SUGCT: variants seen among roughly 807,000 people sequenced by gnomAD.
SUGCT encodes the protein succinyl-CoA:glutarate-CoA transferase, also known as succinyl-CoA:glutarate CoA-transferase.
Under a neutral mutation model 55.0 loss-of-function variants are expected in SUGCT, and 41 were observed. The observed-to-expected ratio is 0.74, with a 90% CI of 0.58 to 0.97. SUGCT has a LOEUF of 0.97. SUGCT is among the 50% of genes least tolerant of loss of function. The probability of loss-of-function intolerance (pLI) is 0.00; values close to 1 mark genes in which losing one functional copy is unlikely to be tolerated. For synonymous variants in SUGCT, 187 were observed against 200.4 expected (o/e 0.93, Z 0.56); for missense variants, 568 against 547.8 (o/e 1.04, Z -0.37).
intron 12 of SUGCT, among the ~76,000 whole-genome samples, chr7:40,576,137 T>C (rs1584029022): frequency 1.3e-5 from 2 of 152,224 alleles, no homozygotes; most frequent in Admixed American, 1.3e-4. Context: ...AAATAAAAAA[T>C]AAGACGCATG....
intron 12 of SUGCT, among the ~76,000 whole-genome samples, chr7:40,644,040 G>C (rs114138681): frequency 6.6e-6 from 1 of 152,124 alleles, no homozygotes; most frequent in Non-Finnish European, 1.5e-5. Flanking sequence ...AAGTCTGATC[G>C]TGACCTCAGA....
At chr7:40,925,720 A>T in the SUGCT span, among the ~76,000 whole-genome samples, 1 of 152,150 alleles carries the variant, frequency 6.6e-6, no homozygotes, top group Non-Finnish European at 1.5e-5. Flanking sequence ...ATCCAAAATG[A>T]TGTATTCACA....
chr7:40,335,036 C>T (rs929978739), intron 9 of SUGCT, among the ~76,000 whole-genome samples: 1 of 152,142 alleles, frequency 6.6e-6, no homozygotes, highest in African/African-American at 2.4e-5. Context: ...TTGTTTTTCT[C>T]AGGTTTGTCA....
At chr7:40,194,572 G>C (rs1302584842) in intron 5 of SUGCT, among the ~76,000 whole-genome samples, 2 of 152,106 alleles carry the variant, frequency 1.3e-5, no homozygotes, top group Non-Finnish European at 2.9e-5. Context: ...GGCCTATTTA[G>C]TTTTCTTGTA....
At chr7:40,809,555 T>C (rs2128756217) in intron 13 of SUGCT, among the ~76,000 whole-genome samples, 1 of 152,232 alleles carries the variant, frequency 6.6e-6, no homozygotes, top group East Asian at 1.9e-4. Flanking sequence ...CCATACTAGG[T>C]TTTGGTTCCT....
At chr7:40,854,857 G>A (rs1342761862) in intron 13 of SUGCT, among the ~76,000 whole-genome samples, 1 of 151,872 alleles carries the variant, frequency 6.6e-6, no homozygotes, top group Non-Finnish European at 1.5e-5. Flanking sequence ...GATCCCGTGA[G>A]CCCAGGAGCT....
chr7:40,657,751 A>G (rs1264331705), intron 12 of SUGCT, among the ~76,000 whole-genome samples: 7 of 152,130 alleles, frequency 4.6e-5, no homozygotes, highest in African/African-American at 1.2e-4. Context: ...GGCCACGCTG[A>G]TCTTGATCTC....
At chr7:40,674,916 G>A (rs1783881746) in intron 12 of SUGCT, among the ~76,000 whole-genome samples, 2 of 152,064 alleles carry the variant, frequency 1.3e-5, no homozygotes, top group East Asian at 3.9e-4. Context: ...CTGTATATTA[G>A]GAAAGTTTTT....
chr7:40,908,119 C>G, the SUGCT span, among the ~76,000 whole-genome samples: 1 of 151,916 alleles, frequency 6.6e-6, no homozygotes, highest in Non-Finnish European at 1.5e-5. Context: ...GGCTCGCAAC[C>G]TGTAACCCCG....
intron 9 of SUGCT, among the ~76,000 whole-genome samples, chr7:40,361,074 C>G (rs1798127353): frequency 2.6e-5 from 4 of 152,128 alleles, no homozygotes; most frequent in Admixed American, 1.3e-4. Context: ...ACTTCAGCCA[C>G]TGGGAGGATG....
At chr7:40,670,169 C>CAAAAAAAAAAAAAA (rs34786531) in intron 12 of SUGCT, among the ~76,000 whole-genome samples, 7 of 58,238 alleles carry the variant, frequency 1.2e-4, no homozygotes, top group African/African-American at 1.7e-4. Context: ...GACTCCATCT[C>CAAAAAAAAAAAAAA]AAAAAAAAAA....
chr7:40,409,010 G>A (rs1361956837), intron 9 of SUGCT, among the ~76,000 whole-genome samples: 8 of 152,146 alleles, frequency 5.3e-5, no homozygotes, highest in Non-Finnish European at 1.0e-4. Flanking sequence ...GCTGGAAGCT[G>A]TGGTGCAGTC....
intron 12 of SUGCT, among the ~76,000 whole-genome samples, chr7:40,652,220 T>C (rs2151840724): frequency 6.6e-6 from 1 of 152,350 alleles, no homozygotes; most frequent in South Asian, 2.1e-4. Flanking sequence ...ATAAGGAAGC[T>C]AAACTGTCCT....
chr7:40,685,724 G>T (rs930287856), intron 12 of SUGCT, among the ~76,000 whole-genome samples: 22 of 101,110 alleles, frequency 2.2e-4, no homozygotes, highest in African/African-American at 8.4e-4. Context: ...GTGCTAGTTG[G>T]TTATTCTTTG....
chr7:40,149,509 C>T (rs559264455), intron 1 of SUGCT, among the ~76,000 whole-genome samples: 1 of 152,222 alleles, frequency 6.6e-6, no homozygotes, highest in Admixed American at 6.5e-5. Flanking sequence ...TACTTTAGGG[C>T]TGGGCGCGGT....
intron 6 of SUGCT, among the ~76,000 whole-genome samples, chr7:40,228,261 T>C (rs1336646058): frequency 2.0e-5 from 3 of 152,156 alleles, no homozygotes; most frequent in African/African-American, 7.2e-5. Flanking sequence ...CCCAATTCTC[T>C]CTCTCTTTTG....
chr7:40,822,101 TAGTTTG>T (rs199771347), intron 13 of SUGCT, among the ~76,000 whole-genome samples: 2 of 152,238 alleles, frequency 1.3e-5, no homozygotes, highest in East Asian at 3.8e-4. Context: ...TCCTGAGTTA[TAGTTTG>T]ATTGCACTGT....
At chr7:40,408,910 G>A (rs957655424) in intron 9 of SUGCT, among the ~76,000 whole-genome samples, 4 of 152,100 alleles carry the variant, frequency 2.6e-5, no homozygotes, top group African/African-American at 9.7e-5. Context: ...AGGCCTACAT[G>A]GTTTTGGCCT....
the SUGCT span, among the ~76,000 whole-genome samples, chr7:40,969,970 G>A: frequency 6.6e-6 from 1 of 152,320 alleles, no homozygotes; most frequent in African/African-American, 2.4e-5. Flanking sequence ...AGGAGGGGGA[G>A]ACTGCCCTGT....
Sources: gnomAD v4.1 joint callset for allele counts (sites outside exome capture counted in the v4.1 genomes callset) on GRCh38, gnomAD v4.1.1 for gene constraint, MANE v1.5 for transcripts, NCBI Gene and HGNC (gene_info 2026-07-23, HGNC 2026-07-21) for gene names.